Variants in DLGAP2 observed in about 807,000 individuals in gnomAD.
DLGAP2 encodes the protein disks large-associated protein 2.
Under a neutral mutation model 100.3 loss-of-function variants are expected in DLGAP2, and 26 were observed. The observed-to-expected ratio is 0.26, with a 90% CI of 0.19 to 0.36. The LOEUF (loss-of-function observed/expected upper bound fraction) is 0.36. Ranked by LOEUF, DLGAP2 falls within the 10% of genes least tolerant of loss-of-function variation. The pLI is 1.00. For missense variants in DLGAP2, 1,858 were observed against 1,453.2 expected (o/e 1.28, Z -4.53); for synonymous variants, 886 against 630.1 (o/e 1.41, Z -6.08).
chr8:1,004,377 A>G (rs549852407), intron 2 of DLGAP2, among the ~76,000 whole-genome samples: 2 of 152,304 alleles, frequency 1.3e-5, no homozygotes, highest in African/African-American at 2.4e-5. Context: ...GTGACATTTT[A>G]TTGCTTTAAT....
intron 2 of DLGAP2, among the ~76,000 whole-genome samples, chr8:1,123,339 G>T (rs1182403066): frequency 6.6e-6 from 1 of 152,188 alleles, no homozygotes; most frequent in African/African-American, 2.4e-5. Context: ...TGAGGCGGGT[G>T]ATAATATTTA....
At chr8:1,076,766 G>C (rs1243592404) in intron 2 of DLGAP2, among the ~76,000 whole-genome samples, 1 of 152,160 alleles carries the variant, frequency 6.6e-6, no homozygotes, top group Admixed American at 6.5e-5. Flanking sequence ...CTTCTTCATG[G>C]ATCTGGAGGC....
At chr8:1,640,015 G>A (rs75602833) in intron 8 of DLGAP2, among the ~76,000 whole-genome samples, 2,544 of 152,272 alleles carry the variant, frequency 0.017, 58 homozygotes, top group African/African-American at 0.057. Context: ...ACTAGGATGC[G>A]GACATTTTTG....
intron 6 of DLGAP2, among the ~76,000 whole-genome samples, chr8:1,584,156 A>T (rs899428842): frequency 2.0e-5 from 3 of 152,170 alleles, no homozygotes; most frequent in Non-Finnish European, 4.4e-5. Context: ...CTCCTCACAC[A>T]CTGGATGAAT....
At chr8:1,254,856 C>G (rs1471962086) in intron 2 of DLGAP2, among the ~76,000 whole-genome samples, 1 of 152,136 alleles carries the variant, frequency 6.6e-6, no homozygotes, top group African/African-American at 2.4e-5. Flanking sequence ...GGGCCTCACT[C>G]CCTGGCCCTC....
At chr8:1,112,534 C>T (rs1804993485) in intron 2 of DLGAP2, among the ~76,000 whole-genome samples, 1 of 152,112 alleles carries the variant, frequency 6.6e-6, no homozygotes, top group African/African-American at 2.4e-5. Flanking sequence ...GCCACCGCGC[C>T]CGGGCGTCCT....
At chr8:1,503,100 T>C (rs945578580) in intron 4 of DLGAP2, among the ~76,000 whole-genome samples, 17 of 152,208 alleles carry the variant, frequency 1.1e-4, no homozygotes, top group African/African-American at 3.9e-4. Context: ...GGAGGCAGAA[T>C]GTCACATGGG....
chr8:881,907 C>T (rs535403837), intron 1 of DLGAP2, among the ~76,000 whole-genome samples: 1 of 152,110 alleles, frequency 6.6e-6, no homozygotes, highest in African/African-American at 2.4e-5. Context: ...AATTCTCCCA[C>T]CCAATATCCA....
chr8:738,377 GGGCAGCAGCGGCTGCCGAGAC>G (rs1820377956), intron 1 of DLGAP2, among the ~76,000 whole-genome samples: 1 of 151,902 alleles, frequency 6.6e-6, no homozygotes, highest in African/African-American at 2.4e-5. Flanking sequence ...CCCTTGTGCC[GGGCAGCAGCGGCTGCCGAGAC>G]CAGGCGGAGT....
intron 2 of DLGAP2, among the ~76,000 whole-genome samples, chr8:1,243,563 T>A (rs1298757916): frequency 6.6e-6 from 1 of 152,196 alleles, no homozygotes; most frequent in Non-Finnish European, 1.5e-5. Flanking sequence ...TCGCTCACGA[T>A]ATATTACAAA....
chr8:1,255,227 T>C (rs1173280826), intron 2 of DLGAP2, among the ~76,000 whole-genome samples: 1 of 83,204 alleles, frequency 1.2e-5, no homozygotes, highest in South Asian at 6.1e-4. Context: ...CCTGCCTGGG[T>C]GCTGTGTGTG....
intron 2 of DLGAP2, among the ~76,000 whole-genome samples, chr8:916,427 C>G (rs749518898): frequency 7.2e-5 from 11 of 152,172 alleles, no homozygotes; most frequent in Non-Finnish European, 1.6e-4. Flanking sequence ...ATTGCAAGGA[C>G]AAAAAACCAA....
chr8:1,203,175 G>A (rs1384488668), intron 2 of DLGAP2, among the ~76,000 whole-genome samples: 1 of 152,136 alleles, frequency 6.6e-6, no homozygotes, highest in African/African-American at 2.4e-5. Context: ...CTATTAACAC[G>A]ATGTGTGTGT....
At chr8:806,562 C>T (rs1262931916) in intron 1 of DLGAP2, among the ~76,000 whole-genome samples, 1 of 152,102 alleles carries the variant, frequency 6.6e-6, no homozygotes, top group Non-Finnish European at 1.5e-5. Flanking sequence ...GATAGGTGCC[C>T]TGGAAGCAGG....
intron 2 of DLGAP2, among the ~76,000 whole-genome samples, chr8:1,044,322 C>T: frequency 6.6e-6 from 1 of 152,192 alleles, no homozygotes; most frequent in East Asian, 1.9e-4. Flanking sequence ...GGGCAAAACT[C>T]AGCCGTCTGT....
At chr8:1,235,576 C>T (rs79201470) in intron 2 of DLGAP2, among the ~76,000 whole-genome samples, 68 of 12,782 alleles carry the variant, frequency 5.3e-3, no homozygotes, top group Middle Eastern at 0.1. Flanking sequence ...TCTCACATGG[C>T]ACCATGTCTA....
In DLGAP2 at chr8:1,267,588, T is replaced by TAAAA. The variant is rs1259205393; in HGVS notation, c.106+8707_106+8708insAAAA. Among the ~76,000 whole-genome samples the TAAAA allele has an allele frequency of 5.3e-4, 18 of 33,970 alleles. 1 individual carries two copies. Among genetic ancestry groups the TAAAA allele is most frequent in the African/African-American group, 1.6e-3 (17 of 10,734 alleles). 22.3% of individuals were successfully genotyped at this position (33,970 alleles called of 152,430 possible). A position where few individuals can be genotyped will look rare whatever the true frequency, so the allele number is the denominator to read the frequency against. On this transcript the variant is annotated intron_variant, in intron 3 of 14. Transcript: ENST00000637795. ...TAAAATAAAATAAAATAAAATAAAA[T>TAAAA]AAGATAAGATAAGATAAGATAAGAT...
chr8:1,455,981 G>T (rs1177631178), intron 3 of DLGAP2, among the ~76,000 whole-genome samples: 1 of 152,204 alleles, frequency 6.6e-6, no homozygotes, highest in Non-Finnish European at 1.5e-5. Flanking sequence ...ACATCATCTT[G>T]TCTTAAAAAG....
chr8:1,345,208 C>G (rs1234807821), intron 3 of DLGAP2, among the ~76,000 whole-genome samples: 1 of 152,260 alleles, frequency 6.6e-6, no homozygotes, highest in Non-Finnish European at 1.5e-5. Flanking sequence ...CTGAGGAGCA[C>G]TACTGTATCC....
Sources: gnomAD v4.1 joint callset for allele counts (sites outside exome capture counted in the v4.1 genomes callset) on GRCh38, gnomAD v4.1.1 for gene constraint, MANE v1.5 for transcripts, NCBI Gene and HGNC (gene_info 2026-07-23, HGNC 2026-07-21) for gene names.